RRM2: variants seen among roughly 807,000 people sequenced by gnomAD.
RRM2 encodes the protein ribonucleoside-diphosphate reductase subunit M2.
RRM2 carries 6 observed loss-of-function variants against 45.9 expected under a neutral mutation model. The observed-to-expected ratio is 0.13, with a 90% CI of 0.07 to 0.26. The LOEUF (loss-of-function observed/expected upper bound fraction) is 0.26, where lower values mean the gene tolerates loss of function less well. Ranked by LOEUF, RRM2 falls within the 10% of genes least tolerant of loss-of-function variation. The pLI, the probability that RRM2 is intolerant of heterozygous loss-of-function variation, is 1.00. For synonymous variants in RRM2, 177 were observed against 173.0 expected (o/e 1.02, Z -0.18); for missense variants, 343 against 489.5 (o/e 0.70, Z 2.82).
At chr2:10,165,416 T>C (rs867306092) in intron 3 of RRM2, among the ~76,000 whole-genome samples, 44 of 152,294 alleles carry the variant, frequency 2.9e-4, no homozygotes, top group Middle Eastern at 6.8e-3. Context: ...GCTCCGTAGC[T>C]GACGGTCCCA....
At position 10,127,388 on chromosome 2, in the gene RRM2, GA is replaced by G. The variant is rs1662802281; in HGVS notation, c.798+171del. On this transcript the variant is annotated intron_variant, in intron 7 of 9. Coordinates refer to ENST00000304567, the MANE Select transcript of RRM2 (RefSeq NM_001034.4). The surrounding 1 kb of genome is among the most constrained non-coding windows in gnomAD (Gnocchi z 4.1). ...AAAGAAGGAAATACTTTCATTTACT[GA>G]AACTGTTTTACTTGCATTCTCAATA... is the stretch of plus-strand genomic sequence containing the variant. 1 of 669,282 alleles carries G rather than the reference GA, an allele frequency of 1.5e-6. No homozygotes were observed. The highest frequency in any genetic ancestry group is 1.8e-5 in the African/African-American group (1 of 55,136). The allele number at this position is 669,282 out of a possible 1,614,324, so 41.5% of individuals were successfully genotyped here.
chr2:10,193,267 A>C (rs1423327620), intron 3 of RRM2, among the ~76,000 whole-genome samples: 2 of 152,074 alleles, frequency 1.3e-5, no homozygotes, highest in Non-Finnish European at 2.9e-5. Context: ...CCAGAGATGC[A>C]AGTGTAGCAG....
chr2:10,170,592 G>T (rs1380427612), intron 3 of RRM2, among the ~76,000 whole-genome samples: 1 of 152,160 alleles, frequency 6.6e-6, no homozygotes, highest in East Asian at 1.9e-4. Context: ...CAGCCCCAGG[G>T]TGACTGCGGT....
Position 10,210,222 on chromosome 2 carries a change from C to T in RRM2, n.483-89C>T, listed in dbSNP as rs571520497. 20 of 863,008 alleles carry T rather than the reference C, an allele frequency of 2.3e-5. No homozygotes were observed. The African/African-American group carries it at 3.3e-4, about 14-fold the overall frequency. The allele number at this position is 863,008 out of a possible 1,614,324, so 53.5% of individuals were successfully genotyped here. A position where few individuals can be genotyped will look rare whatever the true frequency, so the allele number is the denominator to read the frequency against. ...CAGCCCTTGGCCATGTTCCGGCTCC[C>T]TAGTGCCCAGTATGTGTTTGGTGAA... On this transcript the variant is annotated intron_variant and non_coding_transcript_variant, in intron 3 of 3. Coordinates refer to the RRM2 transcript ENST00000381786.
Position 10,128,875 on chromosome 2 carries a change from A to G in RRM2, c.826A>G (p.Met276Val), listed in dbSNP as rs748059332. Reference sequence around the variant, plus strand: ...TTTACACTGTGATTTTGCTTGCCTGATGTTCAAACACCTGGTACACAAACC... The same window carrying G: ...TTTACACTGTGATTTTGCTTGCCTGGTGTTCAAACACCTGGTACACAAACC... ...EGLHCDFACL[M>V]FKHLVHKPSE... is the part of the protein sequence containing the mutation. The change falls in exon 8 of 10, where the codon ATG (methionine) becomes GTG (valine). Residue 276 changes from methionine (M) to valine (V), a missense_variant. By Grantham distance (21) the Met-to-Val change is conservative. Coordinates refer to ENST00000304567, the MANE Select transcript of RRM2 (RefSeq NM_001034.4). 2.5e-6 allele frequency: 4 copies of G among 1,614,082 alleles called. No individual in the cohort carries two copies. The African/African-American group carries it at 5.3e-5, about 22-fold the overall frequency.
At chr2:10,154,499 CAAA>C (rs547349749) in intron 3 of RRM2, among the ~76,000 whole-genome samples, 3 of 94,562 alleles carry the variant, frequency 3.2e-5, no homozygotes, top group Non-Finnish European at 6.1e-5. Context: ...GACTCCATCT[CAAA>C]AAAAAAAAAA....
intron 3 of RRM2, among the ~76,000 whole-genome samples, chr2:10,178,075 A>C (rs141126946): frequency 0.29 from 42,711 of 148,898 alleles, 6,553 homozygotes; most frequent in Non-Finnish European, 0.36. Context: ...GTGCCCACCA[A>C]CACGCCCGGC....
intron 3 of RRM2, among the ~76,000 whole-genome samples, chr2:10,203,760 A>AATAAATACATACATACATAC (rs112744186): frequency 6.7e-6 from 1 of 150,030 alleles, no homozygotes; most frequent in African/African-American, 2.5e-5. Flanking sequence ...CACAAAAATA[A>AATAAATACATACATACATAC]ATACATACAT....
intron 3 of RRM2, among the ~76,000 whole-genome samples, chr2:10,184,292 C>T (rs1455409774): frequency 2.0e-5 from 3 of 152,074 alleles, no homozygotes; most frequent in African/African-American, 4.8e-5. Flanking sequence ...ATAAGCAATC[C>T]CTTCTTTTCT....
chr2:10,138,678 C>T (rs1663031001), upstream of RRM2, among the ~76,000 whole-genome samples: 1 of 152,332 alleles, frequency 6.6e-6, no homozygotes, highest in South Asian at 2.1e-4. Context: ...GACATCACAT[C>T]ACTGCTCTCA....
downstream of RRM2, among the ~76,000 whole-genome samples, chr2:10,131,975 G>C (rs961016713): frequency 5.9e-5 from 9 of 152,296 alleles, no homozygotes; most frequent in South Asian, 1.5e-3. Flanking sequence ...TGCAAAACAG[G>C]TGGGGCTAGA....
At chr2:10,184,090 C>CT (rs1193766123) in intron 3 of RRM2, among the ~76,000 whole-genome samples, 3 of 11,382 alleles carry the variant, frequency 2.6e-4, no homozygotes, top group African/African-American at 3.7e-4. Context: ...GAGACTCCAT[C>CT]TAAAAAAAAA....
chr2:10,170,285 A>G (rs1663772183), intron 3 of RRM2, among the ~76,000 whole-genome samples: 1 of 152,190 alleles, frequency 6.6e-6, no homozygotes, highest in African/African-American at 2.4e-5. Context: ...GAGACATAGA[A>G]CATAAATATA....
At chr2:10,123,180 T>A in intron 2 of RRM2, 123 bp downstream of exon 2, 4 of 1,300,458 alleles carry the variant, frequency 3.1e-6, no homozygotes, top group Non-Finnish European at 4.1e-6. Flanking sequence ...AGGCGGCCCC[T>A]CCCCAGGGCT....
chr2:10,210,540 C>T (rs1220978334), exon 4 of RRM2: 1 of 1,367,106 alleles, frequency 7.3e-7, no homozygotes, highest in East Asian at 4.5e-5. Flanking sequence ...CACTGGACTC[C>T]ACACAGGCCT....
chr2:10,150,262 A>G (rs1663278629), intron 3 of RRM2, among the ~76,000 whole-genome samples: 1 of 152,126 alleles, frequency 6.6e-6, no homozygotes, highest in African/African-American at 2.4e-5. Flanking sequence ...CCTGGCTAAC[A>G]CGGTGAAACC....
chr2:10,179,424 T>C (rs1373345836), intron 3 of RRM2, among the ~76,000 whole-genome samples: 1 of 152,192 alleles, frequency 6.6e-6, no homozygotes, highest in Non-Finnish European at 1.5e-5. Context: ...GTGCTGGGAT[T>C]ACAGATGTGA....
intron 4 of RRM2, 165 bp downstream of exon 4, chr2:10,124,017 T>A: frequency 1.5e-6 from 1 of 645,330 alleles, no homozygotes; most frequent in East Asian, 2.6e-5. Flanking sequence ...TGCAGTTCTT[T>A]CTTATGGTAT....
At chr2:10,143,372 T>C (rs1426868540) in intron 3 of RRM2, among the ~76,000 whole-genome samples, 1 of 152,256 alleles carries the variant, frequency 6.6e-6, no homozygotes, top group Non-Finnish European at 1.5e-5. Flanking sequence ...CCCAAGTGTT[T>C]ACCACTTCGC....
Sources: allele counts gnomAD v4.1 joint callset (sites outside exome capture counted in the v4.1 genomes callset), GRCh38; gene constraint gnomAD v4.1.1; non-coding constraint Gnocchi (gnomAD v3.1); transcripts MANE v1.5; gene names NCBI Gene and HGNC (gene_info 2026-07-23, HGNC 2026-07-21).